Variants in MYL1 observed in about 807,000 individuals in gnomAD.
MYL1 encodes myosin light chain 1/3, skeletal muscle isoform.
In MYL1, 16 loss-of-function variants were observed where a neutral mutation model predicts 21.8. The ratio of observed to expected loss-of-function variants is 0.74; its 90% CI spans 0.50 to 1.12. The LOEUF (loss-of-function observed/expected upper bound fraction) is 1.12. Among genes scored for constraint, MYL1 ranks in the 50% most tolerant of loss-of-function variants. The probability of loss-of-function intolerance (pLI) is 0.00; values close to 1 mark genes in which losing one functional copy is unlikely to be tolerated. For synonymous variants in MYL1, 99 were observed against 85.2 expected, an observed-to-expected ratio of 1.16 and a Z score of -0.89; for missense variants, 246 against 241.0, an observed-to-expected ratio of 1.02 and a Z score of -0.14.
At chr2:210,307,346 A>G (rs1391347874) in intron 1 of MYL1, among the ~76,000 whole-genome samples, 5 of 152,172 alleles carry the variant, frequency 3.3e-5, no homozygotes, top group African/African-American at 1.2e-4. Flanking sequence ...TTGAAGCTCA[A>G]TAGATTTTCA....
chr2:210,306,067 A>C (rs1006745518), intron 1 of MYL1, among the ~76,000 whole-genome samples: 4 of 107,726 alleles, frequency 3.7e-5, no homozygotes, highest in African/African-American at 1.5e-4. Context: ...TCACAAAAAA[A>C]AAATAAATTA....
At chr2:210,314,055 C>A (rs1272684873) in intron 1 of MYL1, among the ~76,000 whole-genome samples, 1 of 152,070 alleles carries the variant, frequency 6.6e-6, no homozygotes, top group Non-Finnish European at 1.5e-5. Context: ...AGTCACATCA[C>A]TGGAAGTTAA....
chr2:210,313,089 T>C (rs1245692936), intron 1 of MYL1, among the ~76,000 whole-genome samples: 2 of 151,960 alleles, frequency 1.3e-5, no homozygotes, highest in African/African-American at 4.8e-5. Flanking sequence ...AGAAAAGAGA[T>C]GTTTTGTCTT....
At chr2:210,294,471 AGTCAC>A in intron 3 of MYL1, 53 bp from the exon 4 acceptor site, 1 of 1,507,202 alleles carries the variant, frequency 6.6e-7, no homozygotes, top group Non-Finnish European at 9.0e-7. Context: ...ACTAACTCTG[AGTCAC>A]AATTTAAACT....
chr2:210,314,957 G>T lies in MYL1; in HGVS notation c.86C>A (p.Ala29Asp). The change falls in exon 1 of 7, where the codon GCC becomes GAC. Residue 29 changes from alanine (A) to aspartate (D), a missense_variant. Coordinates refer to ENST00000352451, the MANE Select transcript of MYL1 (RefSeq NM_079420.3). ...TTTTTCTTCTTTGGGTTTGGCTGGG[G>T]CAGGGGCAGGTGCAGGTGCCGGTGC... ...APAPAPAPAP[A>D]PAKPKEEKID... 2 of 1,613,698 alleles carry T rather than the reference G, an allele frequency of 1.2e-6. No individual in the cohort carries two copies. Among genetic ancestry groups the T allele is most frequent in the Non-Finnish European group, 8.5e-7 (1 of 1,179,734 alleles).
intron 1 of MYL1, among the ~76,000 whole-genome samples, chr2:210,309,031 A>C (rs1013636860): frequency 1.3e-5 from 2 of 151,990 alleles, no homozygotes; most frequent in African/African-American, 2.4e-5. Flanking sequence ...CAGATTGGGA[A>C]TTTTGTTTTA....
At chr2:210,303,380 A>G (rs1690292953) in intron 1 of MYL1, among the ~76,000 whole-genome samples, 1 of 152,200 alleles carries the variant, frequency 6.6e-6, no homozygotes, top group African/African-American at 2.4e-5. Context: ...ATTTTCTCCT[A>G]TCTTTAATGG....
intron 3 of MYL1, 49 bp from the exon 4 acceptor site, chr2:210,294,467 T>A: frequency 6.6e-7 from 1 of 1,517,302 alleles, no homozygotes; most frequent in Non-Finnish European, 9.0e-7. Context: ...TAATACTAAC[T>A]CTGAGTCACA....
At position 210,303,475 on chromosome 2, in the gene MYL1, T is replaced by C. The variant is rs1690294471; in HGVS notation, c.133-960A>G. 8.1e-6 allele frequency: 12 copies of C among 1,478,658 alleles called. No individual in the cohort carries two copies. In the South Asian group the frequency reaches 1.2e-4, roughly 15 times the overall value. The allele number at this position is 1,478,658 out of a possible 1,614,324, so 91.6% of individuals were successfully genotyped here. Reference sequence around the variant, plus strand: ...GTTCCATTTTTGCCTATCTTTCTTCTCAATAAGATCATATCCTCTATCTAT... The same window carrying C: ...GTTCCATTTTTGCCTATCTTTCTTCCCAATAAGATCATATCCTCTATCTAT... On this transcript the variant is annotated intron_variant, in intron 1 of 6. Coordinates refer to ENST00000352451, the MANE Select transcript of MYL1 (RefSeq NM_079420.3).
At chr2:210,303,382 C>T (rs962018041) in intron 1 of MYL1, among the ~76,000 whole-genome samples, 9 of 152,186 alleles carry the variant, frequency 5.9e-5, no homozygotes, top group Admixed American at 5.9e-4. Context: ...TTTCTCCTAT[C>T]TTTAATGGAT....
intron 5 of MYL1, among the ~76,000 whole-genome samples, chr2:210,292,557 A>AT (rs35943746): frequency 2.1e-4 from 31 of 146,628 alleles, no homozygotes; most frequent in Non-Finnish European, 2.9e-4. Flanking sequence ...TATTAATTGA[A>AT]TTTTTTTTTT....
chr2:210,297,881 T>C (rs1690201907), intron 3 of MYL1, among the ~76,000 whole-genome samples: 1 of 151,964 alleles, frequency 6.6e-6, no homozygotes, highest in Non-Finnish European at 1.5e-5. Context: ...CTTGACAAAG[T>C]TGCAATTTCA....
chr2:210,293,853 A>G, intron 4 of MYL1, 53 bp from the exon 5 acceptor site: 1 of 1,523,222 alleles, frequency 6.6e-7, no homozygotes, highest in Admixed American at 1.7e-5. Context: ...TATTTTCAAA[A>G]TCCACCATAG....
rs960543504 is a variant in MYL1, at chr2:210,314,783, T to C, written c.132+128A>G. 260 of 1,066,998 alleles carry C rather than the reference T, an allele frequency of 2.4e-4. 1 individual carries two copies. The highest frequency in any genetic ancestry group is 1.6e-3 in the Middle Eastern group (6 of 3,792). 66.1% of individuals were successfully genotyped at this position (1,066,998 alleles called of 1,614,324 possible). On this transcript the variant is annotated intron_variant, in intron 1 of 6. Transcript: ENST00000352451. ...CATTTTTTAAAGCAGGATTCTCTTC[T>C]TCATAATCTACCAGCTCACTAAATA...
chr2:210,314,777 C>A, intron 1 of MYL1, 134 bp downstream of exon 1: 1 of 1,005,370 alleles, frequency 9.9e-7, no homozygotes, highest in Non-Finnish European at 1.5e-6. Context: ...AAGCAGGATT[C>A]TCTTCTTCAT....
chr2:210,301,618 G>T (rs920683288), intron 2 of MYL1, among the ~76,000 whole-genome samples: 7 of 151,608 alleles, frequency 4.6e-5, no homozygotes, highest in Non-Finnish European at 1.0e-4. Flanking sequence ...AGGTTTATTT[G>T]TGTCTCAGTT....
intron 1 of MYL1, among the ~76,000 whole-genome samples, chr2:210,307,653 T>A (rs1321467015): frequency 6.6e-6 from 1 of 152,186 alleles, no homozygotes. Flanking sequence ...CATTCCACGT[T>A]TTTATGATTC....
rs1272908090 is a variant in MYL1, at chr2:210,298,359, C to T, written c.304+61G>A. On this transcript the variant is annotated intron_variant, in intron 3 of 6. Coordinates refer to ENST00000352451, the MANE Select transcript of MYL1 (RefSeq NM_079420.3). The stretch of plus-strand genomic sequence containing the variant: ...CATACTACACACACACACACACACA[C>T]ACACACACTGCTACACACTTCCCTA... The T allele has an allele frequency of 4.4e-6, 7 of 1,584,292 alleles. No homozygotes were observed. The Admixed American group carries it at 1.2e-4, about 26-fold the overall frequency.
intron 2 of MYL1, among the ~76,000 whole-genome samples, chr2:210,301,663 A>G (rs911917474): frequency 3.3e-5 from 5 of 152,056 alleles, no homozygotes; most frequent in African/African-American, 1.2e-4. Flanking sequence ...TCCATAAAAC[A>G]TTCCTCCCTG....
Sources: gnomAD v4.1 joint callset for allele counts (sites outside exome capture counted in the v4.1 genomes callset) on GRCh38, gnomAD v4.1.1 for gene constraint, MANE v1.5 for transcripts, NCBI Gene and HGNC (gene_info 2026-07-23, HGNC 2026-07-21) for gene names.